The following SF3B3 variants were observed in gnomAD, a reference collection of about 807,000 sequenced individuals.
SF3B3 encodes splicing factor 3b subunit 3, also known as SAP 130.
In SF3B3, 33 loss-of-function variants were observed where a neutral mutation model predicts 139.2. That is an observed-to-expected ratio of 0.24 (90% confidence interval 0.18 to 0.32). The LOEUF (loss-of-function observed/expected upper bound fraction) is 0.32, where lower values mean the gene tolerates loss of function less well. Ranked by LOEUF, SF3B3 falls within the 10% of genes least tolerant of loss-of-function variation. The pLI, the probability that SF3B3 is intolerant of heterozygous loss-of-function variation, is 1.00. For synonymous variants in SF3B3, 596 were observed against 563.6 expected, an observed-to-expected ratio of 1.06 and a Z score of -0.81; for missense variants, 818 against 1,509.4, an observed-to-expected ratio of 0.54 and a Z score of 7.59.
chr16:70,559,476 C>T (rs1315452895), intron 15 of SF3B3, among the ~76,000 whole-genome samples: 2 of 151,990 alleles, frequency 1.3e-5, no homozygotes, highest in African/African-American at 4.8e-5. Context: ...TGCTTGAGCT[C>T]AGGAGTTCGA....
chr16:70,568,967 G>A (rs1343382961), intron 22 of SF3B3, 76 bp from the exon 23 acceptor site: 1 of 1,060,848 alleles, frequency 9.4e-7, no homozygotes, highest in Non-Finnish European at 1.4e-6. Context: ...GCAAAGACCT[G>A]GCCAGACCTG....
In SF3B3 at chr16:70,556,270, G is replaced by A; in HGVS notation, c.1802G>A (p.Arg601Gln). 2 of 1,614,186 alleles carry A rather than the reference G, an allele frequency of 1.2e-6. No homozygotes were observed. The highest frequency in any genetic ancestry group is 1.7e-6 in the Non-Finnish European group (2 of 1,180,030). Residue 601 changes from arginine to glutamine, a missense_variant, in exon 14 of 26, where the codon CGG (arginine) becomes CAG (glutamine). Physicochemically the swap from Arg to Gln is conservative, Grantham distance 43. Transcript: ENST00000302516. ...SLANVPPGEQ[R>Q]SRFLAVGLVD... ...GCCAATGTACCCCCTGGAGAGCAGC[G>A]GTCTCGCTTCCTGGCTGTGGGGCTT...
intron 14 of SF3B3, 42 bp downstream of exon 14, chr16:70,556,376 C>A: frequency 6.2e-7 from 1 of 1,609,142 alleles, no homozygotes; most frequent in South Asian, 1.1e-5. Flanking sequence ...TGGTTGGAAC[C>A]TGAGCATCTG....
At chr16:70,543,090 A>AATAG (rs1459263116) in intron 9 of SF3B3, among the ~76,000 whole-genome samples, 1 of 151,428 alleles carries the variant, frequency 6.6e-6, no homozygotes, top group Non-Finnish European at 1.5e-5. Flanking sequence ...TGAATAAATA[A>AATAG]TGTGTGTAAA....
chr16:70,560,585 G>A lies in SF3B3; in HGVS notation c.2127G>A (p.Gln709=), dbSNP rs376538786. The A allele has an allele frequency of 6.8e-6, 11 of 1,613,308 alleles. No individual in the cohort carries two copies. Among genetic ancestry groups the A allele is most frequent in the South Asian group, 1.1e-5 (1 of 91,066 alleles). ...VKLFRVRMQG[Q]EAVLAMSSRS... ...TCTTCCGAGTCCGAATGCAAGGCCA[G>A]GAGGCAGTAAGTAATGAAGGTTGGG... Residue 709 remains glutamine (Q), a synonymous_variant, in exon 16 of 26, where the codon CAG becomes CAA. Coordinates refer to ENST00000302516, the MANE Select transcript of SF3B3 (RefSeq NM_012426.5).
intron 5 of SF3B3, 28 bp downstream of exon 5, chr16:70,532,648 C>A (rs568280835): frequency 6.8e-6 from 11 of 1,610,950 alleles, no homozygotes; most frequent in Admixed American, 3.3e-5. Flanking sequence ...CTGCTTTGTA[C>A]CCTTTTACTT....
At chr16:70,528,270 T>A (rs1567407932) in intron 2 of SF3B3, among the ~76,000 whole-genome samples, 1 of 150,590 alleles carries the variant, frequency 6.6e-6, no homozygotes, top group East Asian at 2.0e-4. Flanking sequence ...GTTCAAGCGA[T>A]TCTCCTGTGT....
intron 6 of SF3B3, 56 bp from the exon 7 acceptor site, chr16:70,538,267 C>A: frequency 1.3e-6 from 2 of 1,515,626 alleles, no homozygotes; most frequent in South Asian, 1.2e-5. Context: ...GTGCTGAATT[C>A]CAGAACTAAG....
intron 1 of SF3B3, among the ~76,000 whole-genome samples, chr16:70,526,048 C>T (rs1186496479): frequency 2.0e-5 from 3 of 151,684 alleles, no homozygotes; most frequent in Non-Finnish European, 4.4e-5. Context: ...CATTTCTAGC[C>T]TGGAGCATTG....
chr16:70,536,398 C>G (rs917003475), intron 6 of SF3B3, among the ~76,000 whole-genome samples: 18 of 152,242 alleles, frequency 1.2e-4, no homozygotes, highest in African/African-American at 4.3e-4. Flanking sequence ...GAGTCTCGCT[C>G]TGTCACCCAG....
At chr16:70,531,668 A>C (rs557800502) in intron 4 of SF3B3, among the ~76,000 whole-genome samples, 46 of 152,386 alleles carry the variant, frequency 3.0e-4, no homozygotes, top group Non-Finnish European at 5.7e-4. Context: ...GAGGTTAAGC[A>C]ACTATTTAAT....
rs2050384621 is a variant in SF3B3 at position 70,556,979 on chromosome 16, C to T, written c.1960C>T (p.Leu654=). 2 of 1,614,050 alleles carry T rather than the reference C, an allele frequency of 1.2e-6. No individual in the cohort carries two copies. Among genetic ancestry groups the T allele is most frequent in the African/African-American group, 1.3e-5 (1 of 75,034 alleles). ...GGGTGGGACTGAGAAGCAGGATGAGCTGGGTGAGAGGGGCTCGATTGGCTT... is the reference window on the plus strand; with the variant it reads ...GGGTGGGACTGAGAAGCAGGATGAGTTGGGTGAGAGGGGCTCGATTGGCTT... ...EMGGTEKQDE[L]GERGSIGFLY... is the part of the protein sequence containing the mutation. Residue 654 remains leucine (L), a synonymous_variant, in exon 15 of 26, where the codon CTG becomes TTG. Coordinates refer to ENST00000302516, the MANE Select transcript of SF3B3 (RefSeq NM_012426.5).
At chr16:70,547,929 G>A (rs901282899) in intron 10 of SF3B3, among the ~76,000 whole-genome samples, 4 of 152,186 alleles carry the variant, frequency 2.6e-5, no homozygotes, top group African/African-American at 9.7e-5. Flanking sequence ...AGAAGGGAGA[G>A]GTGACTGCCA....
intron 5 of SF3B3, among the ~76,000 whole-genome samples, chr16:70,534,321 G>A (rs1020766125): frequency 2.6e-5 from 4 of 152,216 alleles, no homozygotes; most frequent in Non-Finnish European, 5.9e-5. Context: ...GACTGGGGTA[G>A]GAGTAGGGGT....
chr16:70,542,274 C>G (rs896197311), intron 9 of SF3B3, among the ~76,000 whole-genome samples: 1 of 152,168 alleles, frequency 6.6e-6, no homozygotes, highest in African/African-American at 2.4e-5. Context: ...CCACAGTATT[C>G]TGTGGTTGAC....
intron 8 of SF3B3, among the ~76,000 whole-genome samples, chr16:70,541,015 C>T (rs1246212437): frequency 6.6e-6 from 1 of 152,134 alleles, no homozygotes; most frequent in Non-Finnish European, 1.5e-5. Context: ...TTTTGAGAAA[C>T]CACCAAACTT....
Position 70,571,817 on chromosome 16 carries a change from C to T in SF3B3, c.*4C>T, listed in dbSNP as rs1315349961. 5 of 1,608,836 alleles carry T rather than the reference C, an allele frequency of 3.1e-6. No homozygotes were observed. The highest frequency in any genetic ancestry group is 4.2e-6 in the Non-Finnish European group (5 of 1,178,420). On this transcript the variant is annotated 3_prime_UTR_variant, in exon 26 of 26. Coordinates refer to ENST00000302516, the MANE Select transcript of SF3B3 (RefSeq NM_012426.5). ...CCGGACCCGCTACGCCTTCTGAGCC[C>T]TCCTTTCCCGGTGGGGCTTGCCAGA... is the stretch of plus-strand genomic sequence containing the variant.
At chr16:70,535,763 TC>T (rs2050160126) in intron 6 of SF3B3, among the ~76,000 whole-genome samples, 1 of 151,868 alleles carries the variant, frequency 6.6e-6, no homozygotes, top group African/African-American at 2.4e-5. Context: ...TTTTTTTTTT[TC>T]CAACATTTTT....
intron 6 of SF3B3, among the ~76,000 whole-genome samples, chr16:70,537,236 T>C (rs956064656): frequency 6.6e-6 from 1 of 152,246 alleles, no homozygotes; most frequent in African/African-American, 2.4e-5. Flanking sequence ...ATGTCACACA[T>C]TGTGTGTACA....
Sources: gnomAD v4.1 joint callset for allele counts (sites outside exome capture counted in the v4.1 genomes callset) on GRCh38, gnomAD v4.1.1 for gene constraint, MANE v1.5 for transcripts, NCBI Gene and HGNC (gene_info 2026-07-23, HGNC 2026-07-21) for gene names.